Variants in CISD2 observed in about 807,000 individuals in gnomAD.
CISD2 encodes CDGSH iron sulfur domain 2, also known as CDGSH iron-sulfur domain-containing protein 2.
CISD2 carries 1 observed loss-of-function variant against 12.9 expected under a neutral mutation model. That is an observed-to-expected ratio of 0.08 (90% CI 0.03 to 0.37). The LOEUF (loss-of-function observed/expected upper bound fraction) is 0.37. Among genes scored for constraint, CISD2 ranks in the 10% least tolerant of loss-of-function variants. CISD2 has a pLI of 0.99. For missense variants in CISD2, 97 were observed against 163.1 expected (o/e 0.59, Z 2.21); for synonymous variants, 50 against 60.6 (o/e 0.83, Z 0.81).
rs1328656999 is a variant in CISD2, at chr4:102,869,248, C to G, written c.103+61C>G. The G allele has an allele frequency of 1.9e-6, 3 of 1,547,920 alleles. No homozygotes were observed. The African/African-American group carries it at 4.1e-5, about 21-fold the overall frequency. On this transcript the variant is annotated intron_variant, in intron 1 of 2. Coordinates refer to ENST00000273986, the MANE Select transcript of CISD2 (RefSeq NM_001008388.5). Reference sequence around the variant, plus strand: ...ACGTTCGCCAAGCGGGGGAAGGAGGCGTAAAAATCCTAGGGCCAAGGGGCG... The same window carrying G: ...ACGTTCGCCAAGCGGGGGAAGGAGGGGTAAAAATCCTAGGGCCAAGGGGCG...
Position 102,891,986 on chromosome 4 carries a change from C to G in CISD2, c.*4556C>G, listed in dbSNP as rs969823678. The G allele has an allele frequency of 6.6e-6, 1 of 152,160 alleles. No individual in the cohort carries two copies. Among genetic ancestry groups the G allele is most frequent in the African/African-American group, 2.4e-5 (1 of 41,446 alleles). 9.4% of individuals were successfully genotyped at this position (152,160 alleles called of 1,614,324 possible). ...GCTTCATCATCTGAGGTTGTGTTAACATAGTTTGTCCTAATAGTCTTTTAC... is the reference window on the plus strand; with the variant it reads ...GCTTCATCATCTGAGGTTGTGTTAAGATAGTTTGTCCTAATAGTCTTTTAC... On this transcript the variant is annotated 3_prime_UTR_variant, in exon 3 of 3. Coordinates refer to ENST00000273986, the MANE Select transcript of CISD2 (RefSeq NM_001008388.5).
rs1392261980 is a variant in CISD2, at chr4:102,888,552, C to T, written c.*1122C>T. The T allele has an allele frequency of 3.3e-5, 5 of 152,198 alleles. No homozygotes were observed. The highest frequency in any genetic ancestry group is 3.8e-4 in the East Asian group (2 of 5,204). The allele number at this position is 152,198 out of a possible 1,614,324, so 9.4% of individuals were successfully genotyped here. ...TGTACAAAAAAGTTTGTGAAATAAA[C>T]GTACTGGAGAATCTTTAAAATTTTT... is the stretch of plus-strand genomic sequence containing the variant. On this transcript the variant is annotated 3_prime_UTR_variant, in exon 3 of 3. Coordinates refer to ENST00000273986, the MANE Select transcript of CISD2 (RefSeq NM_001008388.5).
At chr4:102,883,494 C>G (rs1371251805) in intron 1 of CISD2, among the ~76,000 whole-genome samples, 1 of 152,186 alleles carries the variant, frequency 6.6e-6, no homozygotes, top group Non-Finnish European at 1.5e-5. Flanking sequence ...ATAGTGTATC[C>G]TCTCCTCTTG....
rs1186075644 is a variant in CISD2 at position 102,888,519 on chromosome 4, G to C, written c.*1089G>C. The stretch of plus-strand genomic sequence containing the variant: ...CCACCCAGTTCAAACCCGTGTGTAA[G>C]GGTCAACTGTACAAAAAAGTTTGTG... On this transcript the variant is annotated 3_prime_UTR_variant, in exon 3 of 3. Coordinates refer to ENST00000273986, the MANE Select transcript of CISD2 (RefSeq NM_001008388.5). 6.6e-6 allele frequency: 1 copy of C among 152,254 alleles called. No individual in the cohort carries two copies. The highest frequency in any genetic ancestry group is 2.4e-5 in the African/African-American group (1 of 41,460). The allele number at this position is 152,254 out of a possible 1,614,324, so 9.4% of individuals were successfully genotyped here.
At position 102,890,505 on chromosome 4, in the gene CISD2, C is replaced by A. The variant is rs1377156956; in HGVS notation, c.*3075C>A. The A allele has an allele frequency of 6.6e-6, 1 of 151,990 alleles. No homozygotes were observed. The highest frequency in any genetic ancestry group is 1.5e-5 in the Non-Finnish European group (1 of 68,018). The allele number at this position is 151,990 out of a possible 1,614,324, so 9.4% of individuals were successfully genotyped here. On this transcript the variant is annotated 3_prime_UTR_variant, in exon 3 of 3. Coordinates refer to ENST00000273986, the MANE Select transcript of CISD2 (RefSeq NM_001008388.5). ...TGGCAGCATAACCAATCTGGAGAGA[C>A]CAGGGGAGATGTTACTAATGCTTGT...
chr4:102,878,156 G>T (rs1187994883), intron 1 of CISD2, among the ~76,000 whole-genome samples: 10 of 151,934 alleles, frequency 6.6e-5, no homozygotes, highest in Middle Eastern at 3.2e-3. Flanking sequence ...GAAGGAGGGG[G>T]ACAGAGTCTC....
In CISD2 at chr4:102,890,595, C is replaced by G. The variant is rs546666948; in HGVS notation, c.*3165C>G. The stretch of plus-strand genomic sequence containing the variant: ...TGACGACACACCTGTAATCTCAGCA[C>G]TTTGGGAGGCTGAGGTGGGTGGAGT... On this transcript the variant is annotated 3_prime_UTR_variant, in exon 3 of 3. Coordinates refer to ENST00000273986, the MANE Select transcript of CISD2 (RefSeq NM_001008388.5). The G allele has an allele frequency of 2.0e-5, 3 of 152,174 alleles. No homozygotes were observed. The highest frequency in any genetic ancestry group is 6.5e-5 in the Admixed American group (1 of 15,280). The allele number at this position is 152,174 out of a possible 1,614,324, so 9.4% of individuals were successfully genotyped here.
Position 102,891,487 on chromosome 4 carries a change from T to C in CISD2, c.*4057T>C, listed in dbSNP as rs1734246535. ...GTGATCAAATTATACAAGTGATGTT[T>C]AGTGATGAATTGGAATCAAGATAAG... On this transcript the variant is annotated 3_prime_UTR_variant, in exon 3 of 3. Coordinates refer to ENST00000273986, the MANE Select transcript of CISD2 (RefSeq NM_001008388.5). 6.6e-6 allele frequency: 1 copy of C among 152,212 alleles called. No individual in the cohort carries two copies. Among genetic ancestry groups the C allele is most frequent in the African/African-American group, 2.4e-5 (1 of 41,460 alleles). The allele number at this position is 152,212 out of a possible 1,614,324, so 9.4% of individuals were successfully genotyped here. A position where few individuals can be genotyped will look rare whatever the true frequency, so the allele number is the denominator to read the frequency against.
chr4:102,873,908 T>G (rs1211684754), intron 1 of CISD2, among the ~76,000 whole-genome samples: 2 of 151,906 alleles, frequency 1.3e-5, no homozygotes, highest in Non-Finnish European at 2.9e-5. Flanking sequence ...GGCAGATCAC[T>G]TGAGGTTGGG....
intron 1 of CISD2, among the ~76,000 whole-genome samples, chr4:102,873,431 C>T (rs1392945209): frequency 6.6e-6 from 1 of 152,016 alleles, no homozygotes; most frequent in Non-Finnish European, 1.5e-5. Flanking sequence ...GCTACCACAC[C>T]TGGCTCATTT....
In CISD2 at chr4:102,888,678, G is replaced by A. The variant is rs1275282136; in HGVS notation, c.*1248G>A. 6.6e-6 allele frequency: 1 copy of A among 152,250 alleles called. No homozygotes were observed. Among genetic ancestry groups the A allele is most frequent in the African/African-American group, 2.4e-5 (1 of 41,464 alleles). 9.4% of individuals were successfully genotyped at this position (152,250 alleles called of 1,614,324 possible). A position where few individuals can be genotyped will look rare whatever the true frequency, so the allele number is the denominator to read the frequency against. The stretch of plus-strand genomic sequence containing the variant: ...CCAGGTGCCATGGCACAGGCCTGTA[G>A]TCCCAACTGCTGGGAAGATTGAGGT... On this transcript the variant is annotated 3_prime_UTR_variant, in exon 3 of 3. Transcript: ENST00000273986.
In CISD2 at chr4:102,869,068, G is replaced by T; in HGVS notation, c.-17G>T. The T allele has an allele frequency of 6.2e-7, 1 of 1,601,092 alleles. No individual in the cohort carries two copies. The highest frequency in any genetic ancestry group is 8.5e-7 in the Non-Finnish European group (1 of 1,174,680). ...AGCGGAGGGGGCTCGGGAGAGGAGT[G>T]GACGCCGCTGGCCAGGATGGTGCTG... is the stretch of plus-strand genomic sequence containing the variant. On this transcript the variant is annotated 5_prime_UTR_variant, in exon 1 of 3. Coordinates refer to ENST00000273986, the MANE Select transcript of CISD2 (RefSeq NM_001008388.5).
At chr4:102,886,763 T>C (rs552652016) in intron 2 of CISD2, among the ~76,000 whole-genome samples, 34 of 204 alleles carry the variant, frequency 0.17, no homozygotes, top group Middle Eastern at 0.5. Context: ...CACAGGCGTA[T>C]GCACCACGCC....
intron 1 of CISD2, among the ~76,000 whole-genome samples, chr4:102,877,277 A>G (rs1348799866): frequency 6.6e-6 from 1 of 152,254 alleles, no homozygotes; most frequent in Non-Finnish European, 1.5e-5. Context: ...GTTCCTTTTA[A>G]GATACAATGG....
intron 1 of CISD2, chr4:102,882,775 T>A (rs2110397974): frequency 6.5e-6 from 1 of 153,668 alleles, no homozygotes; most frequent in East Asian, 1.9e-4. Context: ...AGACAGAGTC[T>A]TGCTCTTGTC....
intron 2 of CISD2, among the ~76,000 whole-genome samples, chr4:102,886,352 G>A (rs192875823): frequency 0.015 from 2,234 of 152,012 alleles, 24 homozygotes; most frequent in South Asian, 0.021. Context: ...TTAGCCAGGC[G>A]TGGTGGCATG....
rs1467774557 is a variant in CISD2, at chr4:102,892,674, T to TTAA, written c.*5245_*5247dup. ...GTTGTCAGATAGATCAGCCATAATGTTAACACATTTCTGATCTCTATTATA... is the reference window on the plus strand; with the variant it reads ...GTTGTCAGATAGATCAGCCATAATGTTAATAACACATTTCTGATCTCTATTATA... On this transcript the variant is annotated 3_prime_UTR_variant, in exon 3 of 3. Coordinates refer to ENST00000273986, the MANE Select transcript of CISD2 (RefSeq NM_001008388.5). 1.3e-5 allele frequency: 2 copies of TTAA among 152,234 alleles called. No individual in the cohort carries two copies. The highest frequency in any genetic ancestry group is 2.9e-5 in the Non-Finnish European group (2 of 68,048). 9.4% of individuals were successfully genotyped at this position (152,234 alleles called of 1,614,324 possible).
chr4:102,869,246 G>C, intron 1 of CISD2, 59 bp downstream of exon 1: 4 of 1,553,266 alleles, frequency 2.6e-6, no homozygotes, highest in Non-Finnish European at 3.5e-6. Context: ...GGGGGAAGGA[G>C]GCGTAAAAAT....
At position 102,888,532 on chromosome 4, in the gene CISD2, A is replaced by G. The variant is rs1734058963; in HGVS notation, c.*1102A>G. ...ACCCGTGTGTAAGGGTCAACTGTAC[A>G]AAAAAGTTTGTGAAATAAACGTACT... On this transcript the variant is annotated 3_prime_UTR_variant, in exon 3 of 3. Transcript: ENST00000273986. 6.6e-6 allele frequency: 1 copy of G among 152,270 alleles called. No individual in the cohort carries two copies. The highest frequency in any genetic ancestry group is 2.4e-5 in the African/African-American group (1 of 41,474). 9.4% of individuals were successfully genotyped at this position (152,270 alleles called of 1,614,324 possible).
Sources: allele counts gnomAD v4.1 joint callset (sites outside exome capture counted in the v4.1 genomes callset), GRCh38; gene constraint gnomAD v4.1.1; transcripts MANE v1.5; gene names NCBI Gene and HGNC (gene_info 2026-07-23, HGNC 2026-07-21).